Variants in AFG2A observed in about 807,000 individuals in gnomAD.
The protein encoded by AFG2A is ATPase family gene 2 protein homolog A.
chr4:123,006,819 C>T, the AFG2A span, among the ~76,000 whole-genome samples: 1 of 151,682 alleles, frequency 6.6e-6, no homozygotes, highest in Non-Finnish European at 1.5e-5. Context: ...CATCTGTGTA[C>T]TTTTTGGATC....
the AFG2A span, among the ~76,000 whole-genome samples, chr4:122,964,204 T>G: frequency 6.6e-6 from 1 of 152,130 alleles, no homozygotes; most frequent in African/African-American, 2.4e-5. Flanking sequence ...AACTATAGGT[T>G]GGTGCAAAAG....
At chr4:123,280,163 T>G in the AFG2A span, among the ~76,000 whole-genome samples, 2 of 152,122 alleles carry the variant, frequency 1.3e-5, no homozygotes, top group African/African-American at 4.8e-5. Context: ...TGTATTACAT[T>G]GAGTAATTTA....
the AFG2A span, among the ~76,000 whole-genome samples, chr4:123,265,479 C>T: frequency 6.6e-6 from 1 of 152,080 alleles, no homozygotes; most frequent in African/African-American, 2.4e-5. Context: ...AAATTGGCAA[C>T]AAAAGTACAT....
chr4:123,151,329 G>C, the AFG2A span, among the ~76,000 whole-genome samples: 1,089 of 152,212 alleles, frequency 7.2e-3, 9 homozygotes, highest in Non-Finnish European at 0.012. Context: ...AGAGTGAACA[G>C]GCAACCTACA....
the AFG2A span, among the ~76,000 whole-genome samples, chr4:123,002,732 T>G: frequency 1.3e-5 from 2 of 152,146 alleles, no homozygotes; most frequent in Non-Finnish European, 2.9e-5. Context: ...CTGGCTGCCC[T>G]TAACATTTTT....
At chr4:122,990,407 GC>G in the AFG2A span, among the ~76,000 whole-genome samples, 1 of 152,078 alleles carries the variant, frequency 6.6e-6, no homozygotes, top group African/African-American at 2.4e-5. Context: ...AGAGAGTCTG[GC>G]CTAGTTGTAT....
At chr4:122,937,211 T>C in the AFG2A span, among the ~76,000 whole-genome samples, 138,130 of 152,184 alleles carry the variant, frequency 0.91, 62,916 homozygotes, top group East Asian at 0.96. Flanking sequence ...AGTGACGTTA[T>C]GTTTGACCAA....
the AFG2A span, among the ~76,000 whole-genome samples, chr4:123,111,960 T>A: frequency 6.6e-6 from 1 of 152,160 alleles, no homozygotes; most frequent in African/African-American, 2.4e-5. Context: ...TGACCTCAGG[T>A]GATCCGCCTG....
chr4:123,212,742 G>T, the AFG2A span, among the ~76,000 whole-genome samples: 2 of 152,126 alleles, frequency 1.3e-5, no homozygotes, highest in African/African-American at 4.8e-5. Context: ...CGTTTGCATG[G>T]AAATACAGCA....
chr4:123,092,792 T>A, the AFG2A span, among the ~76,000 whole-genome samples: 13 of 152,316 alleles, frequency 8.5e-5, no homozygotes, highest in South Asian at 2.7e-3. Context: ...CCTTACTTGA[T>A]GTCAGCTAGG....
At chr4:123,161,132 C>G in the AFG2A span, among the ~76,000 whole-genome samples, 2 of 152,256 alleles carry the variant, frequency 1.3e-5, no homozygotes, top group East Asian at 3.9e-4. Flanking sequence ...AGAATCTTAT[C>G]CCAAAAACTT....
chr4:122,971,593 G>C, the AFG2A span, among the ~76,000 whole-genome samples: 1 of 152,108 alleles, frequency 6.6e-6, no homozygotes, highest in Non-Finnish European at 1.5e-5. Context: ...ACCTCTGACA[G>C]TATTTAATAG....
the AFG2A span, among the ~76,000 whole-genome samples, chr4:123,301,083 A>G: frequency 6.6e-6 from 1 of 152,004 alleles, no homozygotes; most frequent in East Asian, 1.9e-4. Flanking sequence ...GTGATTCCTA[A>G]CCCCTTTTTG....
At chr4:122,947,922 A>G in the AFG2A span, among the ~76,000 whole-genome samples, 1 of 152,238 alleles carries the variant, frequency 6.6e-6, no homozygotes, top group Non-Finnish European at 1.5e-5. Context: ...ATATTTTTCA[A>G]TAAATATATT....
chr4:123,051,884 G>T, the AFG2A span, among the ~76,000 whole-genome samples: 1 of 151,944 alleles, frequency 6.6e-6, no homozygotes, highest in East Asian at 1.9e-4. Context: ...TCTTTGATCT[G>T]TGTGAGTTTA....
chr4:123,290,101 C>T, the AFG2A span, among the ~76,000 whole-genome samples: 1 of 152,038 alleles, frequency 6.6e-6, no homozygotes, highest in African/African-American at 2.4e-5. Flanking sequence ...GGTATCAGTC[C>T]CCTATTAGAG....
the AFG2A span, among the ~76,000 whole-genome samples, chr4:122,933,757 C>T: frequency 1.3e-5 from 2 of 152,132 alleles, no homozygotes; most frequent in Admixed American, 6.5e-5. Context: ...CCTTTGCATT[C>T]TTGCCCTTTC....
chr4:123,099,229 A>G, the AFG2A span, among the ~76,000 whole-genome samples: 1 of 151,802 alleles, frequency 6.6e-6, no homozygotes, highest in Non-Finnish European at 1.5e-5. Flanking sequence ...TGAGTTCCTT[A>G]TAAATTTTGG....
At chr4:123,004,444 C>T in the AFG2A span, among the ~76,000 whole-genome samples, 7 of 152,300 alleles carry the variant, frequency 4.6e-5, no homozygotes, top group South Asian at 2.1e-4. Flanking sequence ...CCTATTCAGC[C>T]ATCTTGGCTC....
Sources: allele counts gnomAD v4.1 joint callset (sites outside exome capture counted in the v4.1 genomes callset), GRCh38; gene constraint gnomAD v4.1.1; transcripts MANE v1.5; gene names NCBI Gene and HGNC (gene_info 2026-07-23, HGNC 2026-07-21).